Variants in CDH13 observed in about 807,000 individuals in gnomAD.
CDH13 encodes cadherin-13.
A neutral mutation model predicts 63.8 loss-of-function variants in CDH13; 24 were observed. The observed-to-expected ratio is 0.38, with a 90% CI of 0.27 to 0.53. The LOEUF (loss-of-function observed/expected upper bound fraction) is 0.53, where lower values mean the gene tolerates loss of function less well. CDH13 is among the 20% of genes least tolerant of loss of function. CDH13 has a pLI of 0.85. For synonymous variants in CDH13, 503 were observed against 355.3 expected (o/e 1.42, Z -4.67); for missense variants, 1,049 against 903.1 (o/e 1.16, Z -2.07).
chr16:83,390,856 C>G (rs1008916304), intron 6 of CDH13, among the ~76,000 whole-genome samples: 2 of 152,180 alleles, frequency 1.3e-5, no homozygotes, highest in African/African-American at 4.8e-5. Flanking sequence ...GGAAGATTTG[C>G]TGTCACCCCC....
chr16:83,408,864 G>C (rs2092086139), intron 6 of CDH13, among the ~76,000 whole-genome samples: 1 of 152,318 alleles, frequency 6.6e-6, no homozygotes, highest in South Asian at 2.1e-4. Flanking sequence ...AAGCATGCAG[G>C]AGACTTGGTA....
intron 1 of CDH13, among the ~76,000 whole-genome samples, chr16:82,732,717 C>A (rs1480781105): frequency 6.6e-6 from 1 of 152,148 alleles, no homozygotes; most frequent in Non-Finnish European, 1.5e-5. Flanking sequence ...CCACTGATTT[C>A]CAAAGGCTTA....
In CDH13 at chr16:83,585,626, G is replaced by C. The variant is rs138113147; in HGVS notation, c.961-16828G>C. Reference sequence around the variant, plus strand: ...AATGGAAGCTGTCAGAGTCCACAGGGGTGGGTGGAACCAAAGCTGGAGGAA... The same window carrying C: ...AATGGAAGCTGTCAGAGTCCACAGGCGTGGGTGGAACCAAAGCTGGAGGAA... On this transcript the variant is annotated intron_variant, in intron 7 of 13. Transcript: ENST00000567109. Among the ~76,000 whole-genome samples the C allele has an allele frequency of 8.1e-4, 123 of 152,136 alleles. No homozygotes were observed. In the East Asian group the frequency reaches 0.015, roughly 19 times the overall value.
rs529875055 is a variant in CDH13 at position 82,677,815 on chromosome 16, ATGGTTTCAGTGGGT to A, written c.45+50679_45+50692del. Among the ~76,000 whole-genome samples, 278 of 152,134 alleles carry A rather than the reference ATGGTTTCAGTGGGT, an allele frequency of 1.8e-3. 1 individual carries two copies. The highest frequency in any genetic ancestry group is 3.1e-3 in the Non-Finnish European group (214 of 68,000). On this transcript the variant is annotated intron_variant, in intron 1 of 13. Coordinates refer to ENST00000567109, the MANE Select transcript of CDH13 (RefSeq NM_001257.5). ...TTTCTCCTCTTTTTTGACTGCCTTG[ATGGTTTCAGTGGGT>A]CCTGGTTAAGCCTGTCTTTAAGTTT...
chr16:83,144,993 C>G (rs1307798553), intron 4 of CDH13, among the ~76,000 whole-genome samples: 2 of 152,208 alleles, frequency 1.3e-5, no homozygotes, highest in African/African-American at 4.8e-5. Flanking sequence ...GCTTGTGATA[C>G]AGATGGCCCA....
intron 6 of CDH13, among the ~76,000 whole-genome samples, chr16:83,366,895 C>CA (rs2091267739): frequency 1.3e-5 from 2 of 152,058 alleles, no homozygotes; most frequent in African/African-American, 2.4e-5. Context: ...CTCATTCAGC[C>CA]AACAGTATGT....
chr16:83,448,017 T>A (rs1403872973), intron 6 of CDH13, among the ~76,000 whole-genome samples: 1 of 152,152 alleles, frequency 6.6e-6, no homozygotes, highest in African/African-American at 2.4e-5. Context: ...GGAACTTGCC[T>A]GGAGCAGGTA....
chr16:83,115,835 T>C (rs571627495), intron 3 of CDH13, among the ~76,000 whole-genome samples: 82 of 152,346 alleles, frequency 5.4e-4, no homozygotes, highest in African/African-American at 1.9e-3. Flanking sequence ...TTTCTCCCTA[T>C]CACTTTTTCT....
At chr16:82,957,144 G>C (rs1476503799) in intron 2 of CDH13, among the ~76,000 whole-genome samples, 1 of 152,154 alleles carries the variant, frequency 6.6e-6, no homozygotes, top group Non-Finnish European at 1.5e-5. Flanking sequence ...AAAGGGGAAA[G>C]GGGAGCCATA....
At chr16:83,779,404 C>A (rs539556225) in intron 11 of CDH13, among the ~76,000 whole-genome samples, 2 of 5,824 alleles carry the variant, frequency 3.4e-4, no homozygotes, top group Non-Finnish European at 5.9e-4. Flanking sequence ...GAGACTCCAT[C>A]TCAAAAAAAA....
chr16:83,294,878 C>T (rs181455098), intron 5 of CDH13, among the ~76,000 whole-genome samples: 2 of 152,094 alleles, frequency 1.3e-5, no homozygotes. Context: ...TAGGAAAAAT[C>T]ATCCTAAAAA....
intron 10 of CDH13, among the ~76,000 whole-genome samples, chr16:83,687,782 A>C (rs1429322423): frequency 8.5e-5 from 13 of 152,250 alleles, no homozygotes; most frequent in Admixed American, 8.5e-4. Flanking sequence ...TTCCAAGTCC[A>C]TGAAAGTTAC....
chr16:83,419,431 T>C (rs1228674519), intron 6 of CDH13, among the ~76,000 whole-genome samples: 1 of 152,172 alleles, frequency 6.6e-6, no homozygotes, highest in Non-Finnish European at 1.5e-5. Context: ...GTGTGAATTA[T>C]CTTATTTAAA....
intron 1 of CDH13, among the ~76,000 whole-genome samples, chr16:82,835,974 C>G (rs56302847): frequency 0.3 from 45,510 of 152,060 alleles, 7,017 homozygotes; most frequent in African/African-American, 0.34. Context: ...GCTCAGGTCT[C>G]GCATGTCAGA....
intron 2 of CDH13, among the ~76,000 whole-genome samples, chr16:82,883,070 G>A (rs1448286598): frequency 6.6e-6 from 1 of 152,076 alleles, no homozygotes; most frequent in Admixed American, 6.6e-5. Flanking sequence ...AGAGAGACAG[G>A]ATTTTATAGA....
chr16:83,214,665 G>C (rs1484737449), intron 4 of CDH13, among the ~76,000 whole-genome samples: 1 of 147,980 alleles, frequency 6.8e-6, no homozygotes, highest in Admixed American at 6.7e-5. Context: ...TAACAACAGT[G>C]TAATTTTATT....
chr16:83,367,927 C>G (rs753212825), intron 6 of CDH13, among the ~76,000 whole-genome samples: 1 of 152,070 alleles, frequency 6.6e-6, no homozygotes, highest in Non-Finnish European at 1.5e-5. Context: ...ATATAGAATG[C>G]CTTTCCATTT....
chr16:83,538,479 C>T (rs963044689), intron 7 of CDH13, among the ~76,000 whole-genome samples: 1 of 152,132 alleles, frequency 6.6e-6, no homozygotes, highest in Non-Finnish European at 1.5e-5. Context: ...TGAGATTTCA[C>T]CCAGGTGGTT....
intron 1 of CDH13, among the ~76,000 whole-genome samples, chr16:82,820,165 A>C (rs1021063712): frequency 6.6e-6 from 1 of 152,164 alleles, no homozygotes; most frequent in Non-Finnish European, 1.5e-5. Context: ...ATTAAATATC[A>C]TTGATTTGTT....
Sources: gnomAD v4.1 joint callset for allele counts (sites outside exome capture counted in the v4.1 genomes callset) on GRCh38, gnomAD v4.1.1 for gene constraint, MANE v1.5 for transcripts, NCBI Gene and HGNC (gene_info 2026-07-23, HGNC 2026-07-21) for gene names.